The following KCNB2 variants were observed in gnomAD, a reference collection of about 807,000 sequenced individuals.
KCNB2 encodes potassium voltage-gated channel subfamily B member 2.
A neutral mutation model predicts 61.5 loss-of-function variants in KCNB2; 15 were observed. The observed-to-expected ratio is 0.24, with a 90% CI of 0.16 to 0.38. KCNB2 has a LOEUF of 0.38. Ranked by LOEUF, KCNB2 falls within the 10% of genes least tolerant of loss-of-function variation. The probability of loss-of-function intolerance (pLI) is 1.00; values close to 1 mark genes in which losing one functional copy is unlikely to be tolerated. For missense variants in KCNB2, 828 were observed against 1,125.2 expected, an observed-to-expected ratio of 0.74 and a Z score of 3.78; for synonymous variants, 457 against 446.0, an observed-to-expected ratio of 1.02 and a Z score of -0.31.
At chr8:72,610,374 G>A (rs898796665) in intron 2 of KCNB2, among the ~76,000 whole-genome samples, 1 of 152,164 alleles carries the variant, frequency 6.6e-6, no homozygotes, top group Non-Finnish European at 1.5e-5. Flanking sequence ...TAGACTTTAA[G>A]CAATGGAATT....
In KCNB2 at chr8:72,558,863, C is replaced by T. The variant is rs76767218; in HGVS notation, c.-93-8779C>T. On this transcript the variant is annotated intron_variant, in intron 1 of 2. Transcript: ENST00000523207. The stretch of plus-strand genomic sequence containing the variant: ...TCTTACAATAAGAGGATTATTGGAT[C>T]GTCAGGGAGGTCAGGGGACAATAAT... Among the ~76,000 whole-genome samples, 20 of 152,052 alleles carry T rather than the reference C, an allele frequency of 1.3e-4. No individual in the cohort carries two copies. The East Asian group carries it at 2.9e-3, about 22-fold the overall frequency.
intron 2 of KCNB2, among the ~76,000 whole-genome samples, chr8:72,625,964 G>A (rs1328337129): frequency 6.6e-6 from 1 of 151,974 alleles, no homozygotes; most frequent in Non-Finnish European, 1.5e-5. Context: ...AAAAGATACT[G>A]AAAAGCTTAA....
intron 2 of KCNB2, among the ~76,000 whole-genome samples, chr8:72,889,458 C>T (rs771610928): frequency 7.2e-5 from 11 of 152,016 alleles, no homozygotes; most frequent in Admixed American, 2.6e-4. Context: ...GAGGCTTAGG[C>T]GGGAGGACTG....
At chr8:72,663,377 G>A (rs1344813272) in intron 2 of KCNB2, among the ~76,000 whole-genome samples, 3 of 151,886 alleles carry the variant, frequency 2.0e-5, no homozygotes, top group East Asian at 1.9e-4. Context: ...CATTATTTGT[G>A]GTAGATCTTG....
chr8:72,609,249 C>G (rs976045335), intron 2 of KCNB2, among the ~76,000 whole-genome samples: 1 of 152,192 alleles, frequency 6.6e-6, no homozygotes, highest in Non-Finnish European at 1.5e-5. Context: ...CACATGCACT[C>G]TCATCAGTGC....
At chr8:72,710,011 C>G (rs1464578712) in intron 2 of KCNB2, among the ~76,000 whole-genome samples, 1 of 152,150 alleles carries the variant, frequency 6.6e-6, no homozygotes, top group Non-Finnish European at 1.5e-5. Flanking sequence ...TTTTCAGTAA[C>G]CCATACCCCA....
At chr8:72,810,248 G>T (rs1457932020) in intron 2 of KCNB2, among the ~76,000 whole-genome samples, 1 of 152,208 alleles carries the variant, frequency 6.6e-6, no homozygotes, top group Non-Finnish European at 1.5e-5. Flanking sequence ...GGGACAGAAA[G>T]GCTGCAAGGT....
At chr8:72,747,788 A>G (rs1808103745) in intron 2 of KCNB2, among the ~76,000 whole-genome samples, 1 of 152,232 alleles carries the variant, frequency 6.6e-6, no homozygotes, top group Non-Finnish European at 1.5e-5. Context: ...CTAAAAGCAA[A>G]GGAAACGAAC....
intron 2 of KCNB2, among the ~76,000 whole-genome samples, chr8:72,704,500 GGT>G (rs10524175): frequency 0.049 from 7,163 of 147,442 alleles, 183 homozygotes; most frequent in South Asian, 0.083. Context: ...AGAGAAAGCT[GGT>G]GTGTGTGTGT....
In KCNB2 at chr8:72,870,353, AAATAC is replaced by A. The variant is rs1805596397; in HGVS notation, c.580-65580_580-65576del. On this transcript the variant is annotated intron_variant, in intron 2 of 2. Transcript: ENST00000523207. ...ATCTCAAGTGTTCTTACTGCAGTAAAAATACATTTTAAAAAAACATATTAAAATTG... is the reference window on the plus strand; with the variant it reads ...ATCTCAAGTGTTCTTACTGCAGTAAAATTTTAAAAAAACATATTAAAATTG... Among the ~76,000 whole-genome samples, 7 of 152,342 alleles carry A rather than the reference AAATAC, an allele frequency of 4.6e-5. No individual in the cohort carries two copies. In the South Asian group the frequency reaches 1.5e-3, roughly 32 times the overall value.
chr8:72,872,278 A>C (rs1805630705), intron 2 of KCNB2, among the ~76,000 whole-genome samples: 1 of 152,240 alleles, frequency 6.6e-6, no homozygotes, highest in African/African-American at 2.4e-5. Flanking sequence ...AATTGACTAA[A>C]GTTCTCAGCA....
Position 72,656,974 on chromosome 8 carries a change from C to A in KCNB2, c.579+88661C>A, listed in dbSNP as rs142787167. On this transcript the variant is annotated intron_variant, in intron 2 of 2. Coordinates refer to ENST00000523207, the MANE Select transcript of KCNB2 (RefSeq NM_004770.3). ...CCCATATGTGGGATGGAAGTCCCAG[C>A]CTCTAACTTGTTACTGGCCACAGGC... 5.4e-4 allele frequency among the ~76,000 whole-genome samples: 82 copies of A among 152,194 alleles called. 1 individual carries two copies. Among genetic ancestry groups the A allele is most frequent in the African/African-American group, 1.9e-3 (78 of 41,532 alleles).
intron 2 of KCNB2, among the ~76,000 whole-genome samples, chr8:72,803,340 C>T (rs923913728): frequency 2.0e-5 from 3 of 152,096 alleles, no homozygotes; most frequent in Non-Finnish European, 4.4e-5. Flanking sequence ...TTCAGATGCC[C>T]ATGTCTTGTT....
In KCNB2 at chr8:72,597,001, C is replaced by CTTTTTTTTTTTTTTT. The variant is rs869160203; in HGVS notation, c.579+28715_579+28729dup. 3.2e-4 allele frequency among the ~76,000 whole-genome samples: 21 copies of CTTTTTTTTTTTTTTT among 64,658 alleles called. 5 individuals are homozygous for CTTTTTTTTTTTTTTT. The highest frequency in any genetic ancestry group is 6.3e-4 in the East Asian group (1 of 1,594). The allele number at this position is 64,658 out of a possible 152,430, so 42.4% of individuals were successfully genotyped here. Reference sequence around the variant, plus strand: ...GCATGCTTGCTTGCTTGCTTGCTTGCTTTTTTTTTTTTTTTTTTTTTTTTT... The same window carrying CTTTTTTTTTTTTTTT: ...GCATGCTTGCTTGCTTGCTTGCTTGCTTTTTTTTTTTTTTTTTTTTTTTTTTTTTTTTTTTTTTTT... On this transcript the variant is annotated intron_variant, in intron 2 of 2. Coordinates refer to ENST00000523207, the MANE Select transcript of KCNB2 (RefSeq NM_004770.3).
intron 2 of KCNB2, among the ~76,000 whole-genome samples, chr8:72,821,789 T>C (rs1290836177): frequency 1.3e-5 from 2 of 152,138 alleles, no homozygotes; most frequent in African/African-American, 2.4e-5. Context: ...TTGCTTTGTT[T>C]AGTTTGTGTT....
chr8:72,594,441 G>A (rs796894656), intron 2 of KCNB2, among the ~76,000 whole-genome samples: 8 of 152,282 alleles, frequency 5.3e-5, no homozygotes, highest in African/African-American at 1.7e-4. Flanking sequence ...GTGATGAATA[G>A]TCTTGGAGAT....
At chr8:72,604,711 CA>C (rs1805419323) in intron 2 of KCNB2, among the ~76,000 whole-genome samples, 1 of 152,278 alleles carries the variant, frequency 6.6e-6, no homozygotes, top group South Asian at 2.1e-4. Context: ...ACATTTTTGG[CA>C]GTTCATTCTA....
chr8:72,676,679 A>G (rs1437676027), intron 2 of KCNB2, among the ~76,000 whole-genome samples: 2 of 152,104 alleles, frequency 1.3e-5, no homozygotes, highest in Non-Finnish European at 2.9e-5. Context: ...AGCGGAATTC[A>G]CTTATAAGTT....
chr8:72,559,326 G>A (rs1325539063), intron 1 of KCNB2, among the ~76,000 whole-genome samples: 2 of 151,884 alleles, frequency 1.3e-5, no homozygotes, highest in African/African-American at 4.8e-5. Flanking sequence ...TGTATTTTTA[G>A]TAGAGACAGG....
Sources: allele counts gnomAD v4.1 joint callset (sites outside exome capture counted in the v4.1 genomes callset), GRCh38; gene constraint gnomAD v4.1.1; transcripts MANE v1.5; gene names NCBI Gene and HGNC (gene_info 2026-07-23, HGNC 2026-07-21).